The following ANO10 variants were observed in gnomAD, a reference collection of about 807,000 sequenced individuals.
ANO10 encodes the protein anoctamin 10.
In ANO10, 77 loss-of-function variants were observed where a neutral mutation model predicts 74.7. That is an observed-to-expected ratio of 1.03 (90% CI 0.86 to 1.25). ANO10 has a LOEUF of 1.25. Ranked by LOEUF, ANO10 falls within the 50% of genes most tolerant of loss-of-function variation. The probability of loss-of-function intolerance (pLI) is 0.00; values close to 1 mark genes in which losing one functional copy is unlikely to be tolerated. For missense variants in ANO10, 721 were observed against 778.1 expected (o/e 0.93, Z 0.87); for synonymous variants, 279 against 284.9 (o/e 0.98, Z 0.21).
chr3:43,629,250 T>C (rs2083522911), intron 1 of ANO10, among the ~76,000 whole-genome samples: 1 of 152,212 alleles, frequency 6.6e-6, no homozygotes, highest in African/African-American at 2.4e-5. Flanking sequence ...AGATTGACTT[T>C]GGATTTGAGA....
intron 1 of ANO10, among the ~76,000 whole-genome samples, chr3:43,635,345 T>C (rs1414884690): frequency 1.3e-5 from 2 of 152,206 alleles, no homozygotes; most frequent in Non-Finnish European, 2.9e-5. Context: ...TGGGTCACCA[T>C]GAACAACACT....
intron 12 of ANO10, among the ~76,000 whole-genome samples, chr3:43,380,439 T>C (rs992927603): frequency 3.9e-5 from 6 of 152,108 alleles, no homozygotes; most frequent in Non-Finnish European, 8.8e-5. Context: ...GGCAAATACA[T>C]CAGGTAACCT....
At chr3:43,564,616 C>T (rs2080218281) in intron 8 of ANO10, among the ~76,000 whole-genome samples, 1 of 152,114 alleles carries the variant, frequency 6.6e-6, no homozygotes, top group South Asian at 2.1e-4. Context: ...GGCCTGTACA[C>T]TGCTGTTGAA....
At chr3:43,614,770 A>AATATATATATATATAT (rs2083000729) in intron 1 of ANO10, among the ~76,000 whole-genome samples, 3 of 30,384 alleles carry the variant, frequency 9.9e-5, no homozygotes, top group African/African-American at 1.9e-4. Flanking sequence ...AGAAAACTAA[A>AATATATATATATATAT]CTATATATAT....
At chr3:43,566,144 G>A (rs567342701) in intron 7 of ANO10, among the ~76,000 whole-genome samples, 6 of 152,246 alleles carry the variant, frequency 3.9e-5, no homozygotes, top group East Asian at 1.9e-4. Context: ...AAAAAATGGC[G>A]CACCACGAGA....
At chr3:43,562,249 G>A (rs532153928) in intron 8 of ANO10, among the ~76,000 whole-genome samples, 4 of 151,802 alleles carry the variant, frequency 2.6e-5, no homozygotes, top group East Asian at 1.9e-4. Context: ...TCAGGAGATC[G>A]AGACCATCCT....
intron 12 of ANO10, among the ~76,000 whole-genome samples, chr3:43,411,226 A>C (rs2092660317): frequency 6.6e-6 from 1 of 152,328 alleles, no homozygotes; most frequent in Admixed American, 6.5e-5. Context: ...GAAGTTAATC[A>C]AGAATTTATT....
At chr3:43,385,758 T>C (rs1163834144) in intron 12 of ANO10, among the ~76,000 whole-genome samples, 1 of 67,166 alleles carries the variant, frequency 1.5e-5, no homozygotes, top group Non-Finnish European at 3.1e-5. Flanking sequence ...GGGGAAAGGA[T>C]GGGGGGGAAG....
chr3:43,619,162 C>A (rs989627112), intron 1 of ANO10, among the ~76,000 whole-genome samples: 8 of 152,182 alleles, frequency 5.3e-5, no homozygotes, highest in African/African-American at 1.7e-4. Context: ...AGATAAATAT[C>A]CCCTTCTAAG....
At chr3:43,490,194 C>A (rs2076665538) in intron 11 of ANO10, among the ~76,000 whole-genome samples, 2 of 152,206 alleles carry the variant, frequency 1.3e-5, no homozygotes, top group Non-Finnish European at 2.9e-5. Context: ...TAGCCCTGGC[C>A]TCCCTCTTTC....
intron 12 of ANO10, among the ~76,000 whole-genome samples, chr3:43,411,183 A>G (rs544209282): frequency 2.4e-4 from 36 of 152,348 alleles, no homozygotes; most frequent in Non-Finnish European, 4.3e-4. Flanking sequence ...TGGTCATGGA[A>G]AATGGGACAT....
At chr3:43,517,718 G>A (rs552292501) in intron 11 of ANO10, among the ~76,000 whole-genome samples, 1 of 152,272 alleles carries the variant, frequency 6.6e-6, no homozygotes, top group African/African-American at 2.4e-5. Flanking sequence ...GTGTTATTGT[G>A]CAAACTAATG....
At chr3:43,534,447 T>A (rs1397311365) in intron 11 of ANO10, among the ~76,000 whole-genome samples, 2 of 150,492 alleles carry the variant, frequency 1.3e-5, no homozygotes, top group Admixed American at 6.7e-5. Flanking sequence ...TATGTGAGCA[T>A]GTGTGTGTGC....
At chr3:43,546,800 G>A (rs903993583) in intron 11 of ANO10, among the ~76,000 whole-genome samples, 4 of 152,170 alleles carry the variant, frequency 2.6e-5, no homozygotes, top group Non-Finnish European at 5.9e-5. Context: ...TTAGGGACCT[G>A]TGGGAAAATA....
At chr3:43,612,043 A>C (rs2082843066) in intron 1 of ANO10, among the ~76,000 whole-genome samples, 1 of 150,478 alleles carries the variant, frequency 6.6e-6, no homozygotes, top group African/African-American at 2.4e-5. Context: ...CTACCTCTAG[A>C]ATCTCCTTTT....
intron 11 of ANO10, among the ~76,000 whole-genome samples, chr3:43,479,446 C>A (rs1231752715): frequency 6.6e-6 from 1 of 151,816 alleles, no homozygotes; most frequent in East Asian, 1.9e-4. Context: ...TGAAAAATTA[C>A]CAAATTCACA....
At chr3:43,542,099 T>C (rs1161074379) in intron 11 of ANO10, among the ~76,000 whole-genome samples, 2 of 152,172 alleles carry the variant, frequency 1.3e-5, no homozygotes. Flanking sequence ...AAAGATCTGC[T>C]GTAAAAGTTT....
chr3:43,626,441 G>A (rs551975859), upstream of ANO10, among the ~76,000 whole-genome samples: 13 of 152,004 alleles, frequency 8.6e-5, no homozygotes, highest in South Asian at 4.2e-4. Context: ...TGGGATTACA[G>A]GCATGTGCCA....
At position 43,367,053 on chromosome 3, in the gene ANO10, T is replaced by G. The variant is rs73831275; in HGVS notation, c.1915-79A>C. ...GAGGCCTCTGCTCTCTGTGGAAGCC[T>G]GGCCAGCGGCTTTGACCCCAGGGAA... On this transcript the variant is annotated intron_variant, in intron 12 of 12. Coordinates refer to ENST00000292246, the MANE Select transcript of ANO10 (RefSeq NM_018075.5). 7,850 of 1,401,610 alleles carry G rather than the reference T, an allele frequency of 5.6e-3. 315 individuals are homozygous for G. In the African/African-American group the frequency reaches 0.088, roughly 16 times the overall value. 86.8% of individuals were successfully genotyped at this position (1,401,610 alleles called of 1,614,324 possible). A position where few individuals can be genotyped will look rare whatever the true frequency, so the allele number is the denominator to read the frequency against.
Sources: gnomAD v4.1 joint callset for allele counts (sites outside exome capture counted in the v4.1 genomes callset) on GRCh38, gnomAD v4.1.1 for gene constraint, MANE v1.5 for transcripts, NCBI Gene and HGNC (gene_info 2026-07-23, HGNC 2026-07-21) for gene names.